GALNTL6: variants seen among roughly 807,000 people sequenced by gnomAD.
GALNTL6 encodes polypeptide N-acetylgalactosaminyltransferase like 6.
In GALNTL6, 46 loss-of-function variants were observed where a neutral mutation model predicts 73.7. That is an observed-to-expected ratio of 0.62 (90% CI 0.49 to 0.80). The LOEUF (loss-of-function observed/expected upper bound fraction) is 0.80. Among genes scored for constraint, GALNTL6 ranks in the 30% least tolerant of loss-of-function variants. The pLI is 0.00. For missense variants in GALNTL6, 604 were observed against 755.0 expected (o/e 0.80, Z 2.34); for synonymous variants, 259 against 263.7 (o/e 0.98, Z 0.17).
intron 2 of GALNTL6, among the ~76,000 whole-genome samples, chr4:172,121,257 T>TTGTGTGTGTGTGTGTG (rs375731048): frequency 2.4e-4 from 34 of 142,462 alleles, no homozygotes; most frequent in South Asian, 1.7e-3. Flanking sequence ...TCAAGAAGCA[T>TTGTGTGTGTGTGTGTG]TGTGTGTGTG....
intron 2 of GALNTL6, among the ~76,000 whole-genome samples, chr4:172,013,219 C>G (rs1312093443): frequency 1.3e-5 from 2 of 151,906 alleles, no homozygotes; most frequent in Admixed American, 1.3e-4. Flanking sequence ...TAAATATATA[C>G]AATAAATTGT....
In GALNTL6 at chr4:172,661,883, C is replaced by T. The variant is rs905627168; in HGVS notation, c.554-147478C>T. ...AGTGGGTGAATGACAGCAAAACAGT[C>T]CCTGATGTCATGGAGCTCAGAATCT... On this transcript the variant is annotated intron_variant, in intron 5 of 12. Coordinates refer to ENST00000506823, the MANE Select transcript of GALNTL6 (RefSeq NM_001034845.3). 9.2e-5 allele frequency among the ~76,000 whole-genome samples: 14 copies of T among 152,142 alleles called. 1 individual carries two copies. The highest frequency in any genetic ancestry group is 3.9e-4 in the Admixed American group (6 of 15,270).
In GALNTL6 at chr4:172,950,960, C is replaced by G. The variant is rs367752272; in HGVS notation, c.1150-1077C>G. On this transcript the variant is annotated intron_variant, in intron 9 of 12. Coordinates refer to ENST00000506823, the MANE Select transcript of GALNTL6 (RefSeq NM_001034845.3). ...AAGCTGGAGGCATCAAAACTGGTAT[C>G]TTCTACACAAATGCAGCTGTTCTCT... Among the ~76,000 whole-genome samples, 146 of 152,298 alleles carry G rather than the reference C, an allele frequency of 9.6e-4. 1 individual carries two copies. The Middle Eastern group carries it at 0.017, about 18-fold the overall frequency.
chr4:172,636,844 C>T (rs541179278), intron 5 of GALNTL6, among the ~76,000 whole-genome samples: 29 of 152,238 alleles, frequency 1.9e-4, no homozygotes, highest in Admixed American at 3.3e-4. Flanking sequence ...TTCTATTTAT[C>T]CTGACAGATA....
intron 5 of GALNTL6, among the ~76,000 whole-genome samples, chr4:172,566,900 C>A (rs1263385634): frequency 1.3e-5 from 2 of 151,966 alleles, no homozygotes; most frequent in African/African-American, 4.8e-5. Flanking sequence ...ACACCAATTT[C>A]TTATTAAATA....
At chr4:171,961,506 A>G (rs879306705) in intron 2 of GALNTL6, among the ~76,000 whole-genome samples, 3 of 152,208 alleles carry the variant, frequency 2.0e-5, no homozygotes, top group Non-Finnish European at 4.4e-5. Flanking sequence ...AAAAAACCCT[A>G]CGTAGCAAAT....
At chr4:172,275,957 C>T (rs1015895927) in intron 3 of GALNTL6, among the ~76,000 whole-genome samples, 2 of 152,062 alleles carry the variant, frequency 1.3e-5, no homozygotes, top group African/African-American at 2.4e-5. Context: ...ACTCTGTCCC[C>T]CACCAAAAAA....
intron 5 of GALNTL6, among the ~76,000 whole-genome samples, chr4:172,376,014 C>T (rs4692647): frequency 0.11 from 16,034 of 152,162 alleles, 858 homozygotes; most frequent in East Asian, 0.17. Flanking sequence ...TGAGGCTACC[C>T]ATATCCTACC....
At position 173,041,413 on chromosome 4, in the gene GALNTL6, C is replaced by G. The variant is rs374584794; in HGVS notation, c.*1313C>G. The G allele has an allele frequency of 2.0e-5, 3 of 152,044 alleles. No individual in the cohort carries two copies. Among genetic ancestry groups the G allele is most frequent in the African/African-American group, 7.2e-5 (3 of 41,420 alleles). The allele number at this position is 152,044 out of a possible 1,614,324, so 9.4% of individuals were successfully genotyped here. A position where few individuals can be genotyped will look rare whatever the true frequency, so the allele number is the denominator to read the frequency against. The stretch of plus-strand genomic sequence containing the variant: ...ATAATATCACATTGGGGGAAGAAAA[C>G]ACAGGTATCAAGGTGGTTCTTGGGA... On this transcript the variant is annotated 3_prime_UTR_variant, in exon 13 of 13. Coordinates refer to ENST00000506823, the MANE Select transcript of GALNTL6 (RefSeq NM_001034845.3).
At chr4:172,205,677 C>T (rs1404142493) in intron 2 of GALNTL6, among the ~76,000 whole-genome samples, 1 of 152,194 alleles carries the variant, frequency 6.6e-6, no homozygotes, top group African/African-American at 2.4e-5. Context: ...AGAGAAGCTA[C>T]TGCGATGTTT....
At chr4:172,959,693 C>G (rs1012036863) in intron 10 of GALNTL6, among the ~76,000 whole-genome samples, 4 of 152,056 alleles carry the variant, frequency 2.6e-5, no homozygotes, top group African/African-American at 9.7e-5. Flanking sequence ...GGCCAGAGTT[C>G]CAGGGGCTCT....
intron 2 of GALNTL6, among the ~76,000 whole-genome samples, chr4:171,973,570 G>A (rs1176313313): frequency 1.3e-5 from 2 of 151,994 alleles, no homozygotes; most frequent in Non-Finnish European, 2.9e-5. Flanking sequence ...TTGAATTAAG[G>A]CCCATCATAA....
chr4:172,827,866 G>GT (rs139151847), intron 7 of GALNTL6, among the ~76,000 whole-genome samples: 13,883 of 151,596 alleles, frequency 0.092, 729 homozygotes, highest in East Asian at 0.21. Flanking sequence ...CACTATACAA[G>GT]TTTTTTTTCA....
intron 2 of GALNTL6, among the ~76,000 whole-genome samples, chr4:171,860,485 C>A (rs925467910): frequency 6.6e-6 from 1 of 152,168 alleles, no homozygotes; most frequent in Non-Finnish European, 1.5e-5. Flanking sequence ...ATCCTCACTC[C>A]TCTAGATTGC....
At chr4:171,952,670 T>C (rs1738920078) in intron 2 of GALNTL6, among the ~76,000 whole-genome samples, 1 of 152,058 alleles carries the variant, frequency 6.6e-6, no homozygotes, top group Non-Finnish European at 1.5e-5. Context: ...ATAATAGCTT[T>C]TAGCAAACTA....
chr4:172,228,774 T>A (rs186721482), intron 2 of GALNTL6, among the ~76,000 whole-genome samples: 9 of 152,344 alleles, frequency 5.9e-5, no homozygotes, highest in Admixed American at 2.6e-4. Context: ...ATTGTGAAGA[T>A]AAGCTTTATT....
chr4:172,022,267 A>G (rs915438923), intron 2 of GALNTL6, among the ~76,000 whole-genome samples: 1 of 152,006 alleles, frequency 6.6e-6, no homozygotes, highest in East Asian at 1.9e-4. Flanking sequence ...CTCCGCTGCC[A>G]TTTCTGATAG....
chr4:172,293,656 A>G (rs929657121), intron 3 of GALNTL6, among the ~76,000 whole-genome samples: 1 of 151,934 alleles, frequency 6.6e-6, no homozygotes, highest in African/African-American at 2.4e-5. Context: ...AGAGGTCCAG[A>G]TGGCTACTTA....
At chr4:172,314,595 G>A (rs111411950) in intron 4 of GALNTL6, among the ~76,000 whole-genome samples, 88 of 139,930 alleles carry the variant, frequency 6.3e-4, no homozygotes, top group African/African-American at 2.2e-3. Flanking sequence ...ATCCTAATGC[G>A]TAGGCTTTTT....
Sources: gnomAD v4.1 joint callset for allele counts (sites outside exome capture counted in the v4.1 genomes callset) on GRCh38, gnomAD v4.1.1 for gene constraint, MANE v1.5 for transcripts, NCBI Gene and HGNC (gene_info 2026-07-23, HGNC 2026-07-21) for gene names.